SLC43A2: variants seen among roughly 807,000 people sequenced by gnomAD.
SLC43A2 encodes solute carrier family 43 member 2, also known as large neutral amino acids transporter small subunit 4.
A neutral mutation model predicts 63.2 loss-of-function variants in SLC43A2; 38 were observed. The ratio of observed to expected loss-of-function variants is 0.60; its 90% confidence interval spans 0.46 to 0.79. The LOEUF (loss-of-function observed/expected upper bound fraction) is 0.79. Among genes scored for constraint, SLC43A2 ranks in the 30% least tolerant of loss-of-function variants. The pLI, the probability that SLC43A2 is intolerant of heterozygous loss-of-function variation, is 0.00. For synonymous variants in SLC43A2, 322 were observed against 331.0 expected, an observed-to-expected ratio of 0.97 and a Z score of 0.30; for missense variants, 644 against 756.2, an observed-to-expected ratio of 0.85 and a Z score of 1.74.
At position 1,615,168 on chromosome 17, in the gene SLC43A2, C is replaced by A. The variant is rs544492857; in HGVS notation, c.369-134G>T. ...TGTCACCCGGGCTGGAGTGCAGTGG[C>A]GCGATCTCGGCTCACTGCAACCTCC... On this transcript the variant is annotated intron_variant, in intron 3 of 13. Transcript: ENST00000301335. 8 of 1,014,660 alleles carry A rather than the reference C, an allele frequency of 7.9e-6. No homozygotes were observed. The East Asian group carries it at 2.2e-4, about 27-fold the overall frequency. 62.9% of individuals were successfully genotyped at this position (1,014,660 alleles called of 1,614,324 possible).
chr17:1,590,383 C>T (rs535034459), intron 9 of SLC43A2, among the ~76,000 whole-genome samples: 9 of 152,188 alleles, frequency 5.9e-5, no homozygotes, highest in South Asian at 2.1e-4. Flanking sequence ...TCTCCAGCCC[C>T]GTCCTGACCT....
intron 5 of SLC43A2, among the ~76,000 whole-genome samples, chr17:1,599,329 ACT>A (rs1905670030): frequency 6.6e-6 from 1 of 150,632 alleles, no homozygotes; most frequent in African/African-American, 2.4e-5. Flanking sequence ...ACAGAGTGAG[ACT>A]CTGTCTCAAA....
chr17:1,616,665 T>C lies in SLC43A2; in HGVS notation c.265A>G (p.Asn89Asp). ...AAGGAGCCCACAGTGAAGGCCAAAT[T>C]TAGCATCTCGTCCTGGGCCTGGCAG... ...LSCQAQDEML[N>D]LAFTVGSFLL... is the part of the protein sequence containing the mutation. The change falls in exon 3 of 14, where the codon AAT (asparagine) becomes GAT (aspartate). Residue 89 changes from asparagine (N) to aspartate (D), a missense_variant. Physicochemically the swap from Asn to Asp is conservative, Grantham distance 23. Coordinates refer to ENST00000301335, the MANE Select transcript of SLC43A2 (RefSeq NM_152346.3). 6.2e-7 allele frequency: 1 copy of C among 1,614,158 alleles called. No individual in the cohort carries two copies. The highest frequency in any genetic ancestry group is 8.5e-7 in the Non-Finnish European group (1 of 1,180,028).
At position 1,627,752 on chromosome 17, in the gene SLC43A2, C is replaced by T. The variant is rs1456886512; in HGVS notation, c.123G>A (p.Lys41=). 3 of 1,593,258 alleles carry T rather than the reference C, an allele frequency of 1.9e-6. No homozygotes were observed. The highest frequency in any genetic ancestry group is 2.6e-6 in the Non-Finnish European group (3 of 1,170,484). The change falls in exon 2 of 14, where the codon AAG becomes AAA. Residue 41 remains lysine (K), a synonymous_variant. Coordinates refer to ENST00000301335, the MANE Select transcript of SLC43A2 (RefSeq NM_152346.3). ...ACAGGTAGGAGTAAAAGCCCTCTGA[C>T]TTGAGCATGATGAGCAGCGAGCCCC... ...LGWGSLLIML[K]SEGFYSYLCT...
At chr17:1,594,569 A>C (rs115948976) in intron 5 of SLC43A2, among the ~76,000 whole-genome samples, 215 of 146,938 alleles carry the variant, frequency 1.5e-3, no homozygotes, top group African/African-American at 4.5e-3. Context: ...ATTTGTCTTG[A>C]ATCTTTTTCT....
chr17:1,623,748 G>A (rs561475670), intron 2 of SLC43A2, among the ~76,000 whole-genome samples: 1 of 134,728 alleles, frequency 7.4e-6, no homozygotes, highest in Non-Finnish European at 1.6e-5. Flanking sequence ...CTCTCCTCCA[G>A]GCTGTACCCT....
intron 11 of SLC43A2, among the ~76,000 whole-genome samples, chr17:1,579,375 C>T (rs965596848): frequency 4.6e-5 from 7 of 150,872 alleles, no homozygotes; most frequent in African/African-American, 1.5e-4. Context: ...GCAGGAGAAT[C>T]GCTTGAACCG....
At chr17:1,575,977 C>T (rs2075921671) in intron 13 of SLC43A2, among the ~76,000 whole-genome samples, 1 of 152,056 alleles carries the variant, frequency 6.6e-6, no homozygotes, top group South Asian at 2.1e-4. Flanking sequence ...CCCCAGGAAA[C>T]ACGGGCTGAT....
At chr17:1,596,944 C>T (rs1172321584) in intron 5 of SLC43A2, among the ~76,000 whole-genome samples, 1 of 151,984 alleles carries the variant, frequency 6.6e-6, no homozygotes, top group African/African-American at 2.4e-5. Flanking sequence ...AGGCCAGGCG[C>T]GGTGGCTCAC....
In SLC43A2 at chr17:1,606,114, G is replaced by C. The variant is rs997972550; in HGVS notation, c.501+7081C>G. Among the ~76,000 whole-genome samples the C allele has an allele frequency of 6.6e-6, 1 of 152,142 alleles. No homozygotes were observed. Among genetic ancestry groups the C allele is most frequent in the East Asian group, 1.9e-4 (1 of 5,178 alleles). On this transcript the variant is annotated intron_variant, in intron 5 of 13. Coordinates refer to ENST00000301335, the MANE Select transcript of SLC43A2 (RefSeq NM_152346.3). This position sits in a 1 kb window ranked among gnomAD's most constrained non-coding sequence, Gnocchi z 4.7. ...CAGGCACTGGGCACTGGCAAGTCCC[G>C]CTCACCAGGCACCTAGACCCTCCAG...
rs760119838 is a variant in SLC43A2, at chr17:1,578,360, T to TA, written c.1351-38dup. 2 of 1,599,974 alleles carry TA rather than the reference T, an allele frequency of 1.3e-6. No individual in the cohort carries two copies. Among genetic ancestry groups the TA allele is most frequent in the African/African-American group, 2.7e-5 (2 of 74,742 alleles). On this transcript the variant is annotated intron_variant, in intron 11 of 13. Coordinates refer to ENST00000301335, the MANE Select transcript of SLC43A2 (RefSeq NM_152346.3). This position sits in a 1 kb window ranked among gnomAD's most constrained non-coding sequence, Gnocchi z 6.5. Reference sequence around the variant, plus strand: ...AAAGGCGACTGTGGGCATAAGGCCTTAAGGGACCGTCCCCTCAGCCCCCGC... The same window carrying TA: ...AAAGGCGACTGTGGGCATAAGGCCTTAAAGGGACCGTCCCCTCAGCCCCCGC...
At chr17:1,575,850 G>A (rs1164081127) in intron 13 of SLC43A2, 85 bp from the exon 14 acceptor site, 4 of 1,452,576 alleles carry the variant, frequency 2.8e-6, no homozygotes, top group Non-Finnish European at 3.7e-6. Context: ...TTTGGGAAAG[G>A]GGAGAAGGTC....
intron 5 of SLC43A2, among the ~76,000 whole-genome samples, chr17:1,594,619 GCT>G (rs2151049683): frequency 8.3e-6 from 1 of 121,176 alleles, no homozygotes; most frequent in Admixed American, 9.5e-5. Context: ...ACGGAGTCTC[GCT>G]CTTTCGCCCA....
intron 5 of SLC43A2, among the ~76,000 whole-genome samples, chr17:1,612,241 G>C (rs1378936909): frequency 6.6e-6 from 1 of 152,146 alleles, no homozygotes; most frequent in Non-Finnish European, 1.5e-5. Flanking sequence ...TGGGATTTCA[G>C]GTGTGAGCCA....
At chr17:1,590,516 C>T (rs547029124) in intron 9 of SLC43A2, among the ~76,000 whole-genome samples, 43 of 152,300 alleles carry the variant, frequency 2.8e-4, no homozygotes, top group Non-Finnish European at 5.9e-4. Flanking sequence ...CAGACACACA[C>T]GGCAACCCTC....
intron 5 of SLC43A2, among the ~76,000 whole-genome samples, chr17:1,611,429 G>T (rs976874428): frequency 2.6e-5 from 4 of 152,078 alleles, no homozygotes; most frequent in Non-Finnish European, 4.4e-5. Flanking sequence ...GAGATCAGGG[G>T]TATGAGACCA....
In SLC43A2 at chr17:1,591,072, G is replaced by A. The variant is rs571435161; in HGVS notation, c.932-124C>T. 1.1e-3 allele frequency: 1,379 copies of A among 1,286,040 alleles called. 16 individuals are homozygous for A. The South Asian group carries it at 0.018, about 16-fold the overall frequency. 79.7% of individuals were successfully genotyped at this position (1,286,040 alleles called of 1,614,324 possible). ...TCGGGACGGGCCTGGTGAGGGTAACGGGGTTGGCGCTGCGGTGGGGTCACC... is the reference window on the plus strand; with the variant it reads ...TCGGGACGGGCCTGGTGAGGGTAACAGGGTTGGCGCTGCGGTGGGGTCACC... On this transcript the variant is annotated intron_variant, in intron 8 of 13. Coordinates refer to ENST00000301335, the MANE Select transcript of SLC43A2 (RefSeq NM_152346.3).
intron 5 of SLC43A2, among the ~76,000 whole-genome samples, chr17:1,600,154 T>TATATATATATATA (rs1567630909): frequency 3.4e-5 from 1 of 28,998 alleles, no homozygotes; most frequent in African/African-American, 1.1e-4. Flanking sequence ...ATATATATAT[T>TATATATATATATA]TTTTTTTTTT....
In SLC43A2 at chr17:1,574,600, C is replaced by A. The variant is rs1160826432; in HGVS notation, c.*1004G>T. The A allele has an allele frequency of 1.3e-5, 2 of 152,366 alleles. No individual in the cohort carries two copies. Among genetic ancestry groups the A allele is most frequent in the African/African-American group, 2.4e-5 (1 of 41,464 alleles). 9.4% of individuals were successfully genotyped at this position (152,366 alleles called of 1,614,324 possible). A position where few individuals can be genotyped will look rare whatever the true frequency, so the allele number is the denominator to read the frequency against. ...CTCCCCCGTCATCAGCTCCAGGGCC[C>A]CACGGAGCCCGCCGGCAGGGGGTGC... On this transcript the variant is annotated 3_prime_UTR_variant, in exon 14 of 14. Coordinates refer to ENST00000301335, the MANE Select transcript of SLC43A2 (RefSeq NM_152346.3).
Sources: gnomAD v4.1 joint callset for allele counts (sites outside exome capture counted in the v4.1 genomes callset) on GRCh38, gnomAD v4.1.1 for gene constraint, Gnocchi (gnomAD v3.1) non-coding constraint, MANE v1.5 for transcripts, NCBI Gene and HGNC (gene_info 2026-07-23, HGNC 2026-07-21) for gene names.